Variants in DYNC2I2 observed in about 807,000 individuals in gnomAD.
The protein encoded by DYNC2I2 is cytoplasmic dynein 2 intermediate chain 2.
DYNC2I2 carries 39 observed loss-of-function variants against 52.0 expected under a neutral mutation model. The ratio of observed to expected loss-of-function variants is 0.75; its 90% confidence interval spans 0.58 to 0.98. The LOEUF (loss-of-function observed/expected upper bound fraction) is 0.98. DYNC2I2 is among the 50% of genes least tolerant of loss of function. The pLI is 0.00. For synonymous variants in DYNC2I2, 359 were observed against 321.1 expected, an observed-to-expected ratio of 1.12 and a Z score of -1.26; for missense variants, 743 against 728.4, an observed-to-expected ratio of 1.02 and a Z score of -0.23.
At chr9:128,664,534 G>C in the DYNC2I2 span, among the ~76,000 whole-genome samples, 1 of 151,626 alleles carries the variant, frequency 6.6e-6, no homozygotes, top group South Asian at 2.1e-4. Context: ...ACCCACACTG[G>C]GGTGAAGTGT....
the DYNC2I2 span, chr9:128,683,686 A>G: frequency 2.0e-6 from 1 of 493,194 alleles, no homozygotes; most frequent in Middle Eastern, 5.5e-4. Context: ...GAGAGCAACT[A>G]AAAGAAATTT....
the DYNC2I2 span, among the ~76,000 whole-genome samples, chr9:128,682,134 C>T: frequency 2.6e-5 from 4 of 151,946 alleles, no homozygotes; most frequent in South Asian, 6.2e-4. Flanking sequence ...CTGCGATCTC[C>T]GCCTCCTGGG....
intron 1 of DYNC2I2, among the ~76,000 whole-genome samples, chr9:128,652,954 C>T (rs1860746302): frequency 1.3e-5 from 2 of 149,292 alleles, no homozygotes; most frequent in African/African-American, 2.5e-5. Context: ...GTGCCAGGCA[C>T]GGTGGCTCAC....
the DYNC2I2 span, among the ~76,000 whole-genome samples, chr9:128,670,847 C>T: frequency 7.5e-3 from 1,143 of 151,702 alleles, 15 homozygotes; most frequent in East Asian, 0.052. Context: ...GTGGATCACC[C>T]GAGGTCAGGA....
At chr9:128,661,983 T>C in the DYNC2I2 span, among the ~76,000 whole-genome samples, 15 of 147,794 alleles carry the variant, frequency 1.0e-4, no homozygotes, top group Admixed American at 3.4e-4. Flanking sequence ...TGGAGGTTGC[T>C]GTGAGCCGAG....
At position 128,640,735 on chromosome 9, in the gene DYNC2I2, C is replaced by T. The variant is rs147957478; in HGVS notation, c.391G>A (p.Ala131Thr). Residue 131 changes from alanine (A) to threonine (T), a missense_variant, in exon 2 of 9, where the codon GCG becomes ACG. Coordinates refer to ENST00000372715, the MANE Select transcript of DYNC2I2 (RefSeq NM_052844.4). ...CAGTTCACCTCGAAGCCATCAAACG[C>T]GTGGCTCTGCCAATTCTTGTTCAGC... is the stretch of plus-strand genomic sequence containing the variant. The part of the protein sequence containing the change: ...RELNKNWQSH[A>T]FDGFEVNWTE... 20 of 1,614,096 alleles carry T rather than the reference C, an allele frequency of 1.2e-5. No homozygotes were observed. Among genetic ancestry groups the T allele is most frequent in the Admixed American group, 8.3e-5 (5 of 60,006 alleles).
chr9:128,655,908 CA>C (rs538687665), intron 1 of DYNC2I2, among the ~76,000 whole-genome samples: 2,910 of 41,084 alleles, frequency 0.071, 65 homozygotes, highest in African/African-American at 0.2. Flanking sequence ...GAGACTGTCT[CA>C]AAAAAAAAAA....
At chr9:128,667,621 G>A in the DYNC2I2 span, among the ~76,000 whole-genome samples, 2 of 151,742 alleles carry the variant, frequency 1.3e-5, no homozygotes, top group Non-Finnish European at 2.9e-5. Context: ...CCAGGCTGGA[G>A]TGCAGTGGCT....
chr9:128,683,851 C>T, the DYNC2I2 span: 26 of 1,485,432 alleles, frequency 1.8e-5, no homozygotes, highest in Admixed American at 2.1e-5. Flanking sequence ...TGCTTCCGGA[C>T]GGGCGAGGAG....
chr9:128,635,333 T>TC, intron 5 of DYNC2I2, 74 bp from the exon 6 acceptor site: 1 of 1,474,208 alleles, frequency 6.8e-7, no homozygotes, highest in South Asian at 1.3e-5. Context: ...ACCCCTACCC[T>TC]CCCTCTCTTC....
At chr9:128,662,808 C>A in the DYNC2I2 span, among the ~76,000 whole-genome samples, 24 of 152,150 alleles carry the variant, frequency 1.6e-4, no homozygotes, top group Non-Finnish European at 3.2e-4. Context: ...GGGTGATCCA[C>A]CTGCCTTGGC....
chr9:128,682,851 T>G, the DYNC2I2 span, among the ~76,000 whole-genome samples: 1 of 147,590 alleles, frequency 6.8e-6, no homozygotes, highest in Non-Finnish European at 1.5e-5. Context: ...GATTTTTTTG[T>G]ATTTTTAGTA....
chr9:128,684,177 G>A, the DYNC2I2 span, among the ~76,000 whole-genome samples: 16 of 152,096 alleles, frequency 1.1e-4, no homozygotes, highest in East Asian at 1.9e-4. Flanking sequence ...GGACTAGACT[G>A]GGAGAACGGG....
In DYNC2I2 at chr9:128,649,444, TTTGGGAGGCCAAG is replaced by T. The variant is rs370891869; in HGVS notation, c.186+7084_186+7096del. ...GGAGACAGAACCAGACCACCAGCACTTTGGGAGGCCAAGGTGGGAGGATCATTTGAGGTCAGGA... is the reference window on the plus strand; with the variant it reads ...GGAGACAGAACCAGACCACCAGCACTGTGGGAGGATCATTTGAGGTCAGGA... On this transcript the variant is annotated intron_variant, in intron 1 of 8. Coordinates refer to ENST00000372715, the MANE Select transcript of DYNC2I2 (RefSeq NM_052844.4). 7.1e-3 allele frequency among the ~76,000 whole-genome samples: 1,073 copies of T among 152,092 alleles called. 5 individuals carry two copies. The highest frequency in any genetic ancestry group is 0.027 in the Middle Eastern group (8 of 294).
chr9:128,655,962 C>T (rs1159093795), intron 1 of DYNC2I2, among the ~76,000 whole-genome samples: 1 of 146,102 alleles, frequency 6.8e-6, no homozygotes, highest in East Asian at 2.0e-4. Flanking sequence ...AATCCCAGCA[C>T]TTTGGGAGGC....
At chr9:128,658,135 C>A (rs1860870384), upstream of DYNC2I2, among the ~76,000 whole-genome samples, 1 of 150,316 alleles carries the variant, frequency 6.7e-6, no homozygotes, top group South Asian at 2.1e-4. Flanking sequence ...TAAAAAAATT[C>A]TAAAAAATGA....
the DYNC2I2 span, chr9:128,683,336 CT>C: frequency 2.6e-5 from 4 of 155,424 alleles, no homozygotes; most frequent in Admixed American, 1.5e-4. Flanking sequence ...ATTGGGAAAT[CT>C]TTTTTTCAAC....
At chr9:128,636,789 G>A in intron 3 of DYNC2I2, 129 bp downstream of exon 3, 1 of 723,668 alleles carries the variant, frequency 1.4e-6, no homozygotes, top group Non-Finnish European at 2.3e-6. Flanking sequence ...TGCCCAGGAA[G>A]GCTTGAGAAG....
chr9:128,637,381 C>A (rs776518049), intron 2 of DYNC2I2, among the ~76,000 whole-genome samples: 1 of 152,176 alleles, frequency 6.6e-6, no homozygotes, highest in Non-Finnish European at 1.5e-5. Flanking sequence ...AGGGGTCAAG[C>A]GAACCACCCG....
Sources: allele counts gnomAD v4.1 joint callset (sites outside exome capture counted in the v4.1 genomes callset), GRCh38; gene constraint gnomAD v4.1.1; transcripts MANE v1.5; gene names NCBI Gene and HGNC (gene_info 2026-07-23, HGNC 2026-07-21).